RPH3A: variants seen among roughly 807,000 people sequenced by gnomAD.
The protein encoded by RPH3A is rabphilin 3A.
A neutral mutation model predicts 102.2 loss-of-function variants in RPH3A; 48 were observed. The ratio of observed to expected loss-of-function variants is 0.47; its 90% CI spans 0.37 to 0.60. The LOEUF (loss-of-function observed/expected upper bound fraction) is 0.60. Ranked by LOEUF, RPH3A falls within the 20% of genes least tolerant of loss-of-function variation. RPH3A has a pLI of 0.00. For missense variants in RPH3A, 781 were observed against 910.1 expected, an observed-to-expected ratio of 0.86 and a Z score of 1.83; for synonymous variants, 310 against 324.3, an observed-to-expected ratio of 0.96 and a Z score of 0.47.
chr12:112,605,087 C>G (rs1429071915), intron 1 of RPH3A, among the ~76,000 whole-genome samples: 1 of 152,178 alleles, frequency 6.6e-6, no homozygotes, highest in African/African-American at 2.4e-5. Flanking sequence ...AAAACCACCA[C>G]ACTCAGGACA....
intron 1 of RPH3A, among the ~76,000 whole-genome samples, chr12:112,658,955 C>T (rs955276156): frequency 6.6e-6 from 1 of 152,156 alleles, no homozygotes; most frequent in Non-Finnish European, 1.5e-5. Context: ...CACTTTATAC[C>T]AGGCACTGTG....
At chr12:112,838,381 C>T (rs1342076021) in intron 4 of RPH3A, among the ~76,000 whole-genome samples, 1 of 152,214 alleles carries the variant, frequency 6.6e-6, no homozygotes, top group Non-Finnish European at 1.5e-5. Flanking sequence ...CACAGCATCC[C>T]TTCTGCACTC....
chr12:112,879,271 A>G, intron 14 of RPH3A, 73 bp downstream of exon 14: 21 of 1,271,628 alleles, frequency 1.7e-5, no homozygotes, highest in Non-Finnish European at 2.3e-5. Context: ...ATGGGGATGG[A>G]TGACCAGGCC....
At chr12:112,697,719 G>A (rs937062815) in intron 1 of RPH3A, among the ~76,000 whole-genome samples, 5 of 152,082 alleles carry the variant, frequency 3.3e-5, no homozygotes, top group African/African-American at 1.2e-4. Flanking sequence ...ACAAAAATTA[G>A]CCAGGCATGG....
intron 1 of RPH3A, among the ~76,000 whole-genome samples, chr12:112,785,098 T>C (rs2041037720): frequency 6.6e-6 from 1 of 152,116 alleles, no homozygotes; most frequent in African/African-American, 2.4e-5. Flanking sequence ...GGTGCATGCC[T>C]CTAATCCCAG....
intron 1 of RPH3A, among the ~76,000 whole-genome samples, chr12:112,738,442 T>G (rs761091047): frequency 2.0e-5 from 3 of 152,174 alleles, no homozygotes; most frequent in African/African-American, 7.2e-5. Flanking sequence ...GCAGATACCT[T>G]ATTTCCAAAT....
intron 1 of RPH3A, among the ~76,000 whole-genome samples, chr12:112,641,555 C>A (rs2039890770): frequency 6.6e-6 from 1 of 152,116 alleles, no homozygotes; most frequent in Non-Finnish European, 1.5e-5. Context: ...CGCCACCACA[C>A]CTGGCTAATT....
At chr12:112,852,714 C>A (rs1468010686) in intron 5 of RPH3A, among the ~76,000 whole-genome samples, 1 of 152,136 alleles carries the variant, frequency 6.6e-6, no homozygotes, top group Non-Finnish European at 1.5e-5. Flanking sequence ...CATAAAAGGG[C>A]CCCTTTGTGA....
chr12:112,772,163 C>G (rs2040931227), intron 1 of RPH3A, among the ~76,000 whole-genome samples: 1 of 152,156 alleles, frequency 6.6e-6, no homozygotes, highest in East Asian at 1.9e-4. Context: ...CGGGTTTTAT[C>G]CTGTGAGAAA....
At chr12:112,746,697 C>G (rs2136057733) in intron 1 of RPH3A, among the ~76,000 whole-genome samples, 1 of 152,258 alleles carries the variant, frequency 6.6e-6, no homozygotes, top group Non-Finnish European at 1.5e-5. Flanking sequence ...CTCTGCAAGA[C>G]CTGTCTCCTT....
intron 1 of RPH3A, among the ~76,000 whole-genome samples, chr12:112,774,127 C>T (rs1364443166): frequency 1.3e-5 from 2 of 148,174 alleles, no homozygotes; most frequent in East Asian, 2.0e-4. Flanking sequence ...AGAAGATGGA[C>T]ATAGCATATC....
intron 2 of RPH3A, among the ~76,000 whole-genome samples, chr12:112,805,655 TA>T (rs759193334): frequency 1.1e-4 from 16 of 152,296 alleles, no homozygotes; most frequent in Non-Finnish European, 1.9e-4. Flanking sequence ...ATAATATTCC[TA>T]AGACAGAGTT....
chr12:112,588,510 C>T (rs188096709), intron 1 of RPH3A, among the ~76,000 whole-genome samples: 92 of 152,328 alleles, frequency 6.0e-4, no homozygotes, highest in Middle Eastern at 3.4e-3. Context: ...TTATCTCCCA[C>T]GGGGTCCCTC....
intron 1 of RPH3A, among the ~76,000 whole-genome samples, chr12:112,655,865 G>A (rs939419243): frequency 5.9e-5 from 9 of 151,936 alleles, no homozygotes; most frequent in African/African-American, 4.8e-5. Context: ...GAGCTACCAC[G>A]CCCAGTCCCA....
At chr12:112,880,359 G>A (rs921465606) in intron 14 of RPH3A, among the ~76,000 whole-genome samples, 14 of 152,076 alleles carry the variant, frequency 9.2e-5, no homozygotes, top group African/African-American at 4.8e-5. Context: ...CTCCACCCCC[G>A]CCAATAACAC....
At chr12:112,606,112 C>T (rs1351882857) in intron 1 of RPH3A, among the ~76,000 whole-genome samples, 4 of 152,134 alleles carry the variant, frequency 2.6e-5, no homozygotes, top group African/African-American at 4.8e-5. Flanking sequence ...TGGCTCCTTC[C>T]CTTCCACAAG....
intron 1 of RPH3A, among the ~76,000 whole-genome samples, chr12:112,598,244 A>C (rs116660249): frequency 6.6e-6 from 1 of 152,350 alleles, no homozygotes; most frequent in African/African-American, 2.4e-5. Flanking sequence ...GAGGAAAGCT[A>C]CAAGGAGTGT....
intron 1 of RPH3A, chr12:112,651,911 G>A (rs1213848012): frequency 2.6e-5 from 4 of 152,170 alleles, no homozygotes; most frequent in Non-Finnish European, 5.9e-5. Context: ...ATGTTTTGTA[G>A]CATGTATCAG....
chr12:112,761,940 T>C (rs890943633), intron 1 of RPH3A, among the ~76,000 whole-genome samples: 1 of 152,222 alleles, frequency 6.6e-6, no homozygotes, highest in African/African-American at 2.4e-5. Flanking sequence ...GTTCAAATTC[T>C]GGCTCTGGCA....
Sources: gnomAD v4.1 joint callset for allele counts (sites outside exome capture counted in the v4.1 genomes callset) on GRCh38, gnomAD v4.1.1 for gene constraint, MANE v1.5 for transcripts, NCBI Gene and HGNC (gene_info 2026-07-23, HGNC 2026-07-21) for gene names.